CNTN5: variants seen among roughly 807,000 people sequenced by gnomAD.
CNTN5 encodes contactin 5.
In CNTN5, 77 loss-of-function variants were observed where a neutral mutation model predicts 129.1. That is an observed-to-expected ratio of 0.60 (90% CI 0.50 to 0.72). The LOEUF is 0.72. CNTN5 is among the 30% of genes least tolerant of loss of function. The pLI is 0.00. For missense variants in CNTN5, 1,478 were observed against 1,328.8 expected, an observed-to-expected ratio of 1.11 and a Z score of -1.75; for synonymous variants, 509 against 465.6, an observed-to-expected ratio of 1.09 and a Z score of -1.20.
At chr11:100,156,923 T>C (rs1172651913) in intron 13 of CNTN5, among the ~76,000 whole-genome samples, 1 of 151,968 alleles carries the variant, frequency 6.6e-6, no homozygotes, top group African/African-American at 2.4e-5. Context: ...AGTTTGTTAG[T>C]CTTTTTAAAA....
intron 1 of CNTN5, among the ~76,000 whole-genome samples, chr11:99,155,204 C>A (rs866019142): frequency 6.6e-6 from 1 of 152,168 alleles, no homozygotes. Flanking sequence ...TTCCCCCTTC[C>A]GCCCAGCATC....
In CNTN5 at chr11:99,600,838, A is replaced by T. The variant is rs183831187; in HGVS notation, c.55+44569A>T. On this transcript the variant is annotated intron_variant, in intron 3 of 24. Transcript: ENST00000524871. Reference sequence around the variant, plus strand: ...AATGAAAAATAAATAAACACATAGGATGACATTTTCAAGAAGCTCAAAGGT... The same window carrying T: ...AATGAAAAATAAATAAACACATAGGTTGACATTTTCAAGAAGCTCAAAGGT... Among the ~76,000 whole-genome samples, 15 of 152,316 alleles carry T rather than the reference A, an allele frequency of 9.8e-5. 1 individual carries two copies. The highest frequency in any genetic ancestry group is 7.8e-4 in the Admixed American group (12 of 15,290).
chr11:100,287,961 G>A (rs1204099156), intron 18 of CNTN5, among the ~76,000 whole-genome samples: 11 of 152,228 alleles, frequency 7.2e-5, no homozygotes, highest in Middle Eastern at 3.4e-3. Flanking sequence ...TGCAATCCCA[G>A]TCTCTGATAA....
chr11:99,032,685 A>G (rs1295791998), intron 1 of CNTN5, among the ~76,000 whole-genome samples: 1 of 150,854 alleles, frequency 6.6e-6, no homozygotes, highest in Non-Finnish European at 1.5e-5. Context: ...TCAGATGAGT[A>G]GGTTGCGAAA....
chr11:99,671,641 A>G (rs1192717184), intron 3 of CNTN5, among the ~76,000 whole-genome samples: 1 of 152,204 alleles, frequency 6.6e-6, no homozygotes. Flanking sequence ...AACATAAAAA[A>G]TGCTGTCAGG....
chr11:99,182,876 A>T (rs866258623), intron 1 of CNTN5, among the ~76,000 whole-genome samples: 96 of 152,298 alleles, frequency 6.3e-4, no homozygotes, highest in African/African-American at 2.3e-3. Context: ...CATAATTTAA[A>T]ATATAATATG....
At chr11:100,256,148 G>A (rs1950065853) in intron 17 of CNTN5, among the ~76,000 whole-genome samples, 1 of 152,078 alleles carries the variant, frequency 6.6e-6, no homozygotes, top group Non-Finnish European at 1.5e-5. Flanking sequence ...TTATTTGTTT[G>A]TTGAAATAAC....
At chr11:100,266,269 A>G (rs538843954) in intron 17 of CNTN5, among the ~76,000 whole-genome samples, 1 of 152,160 alleles carries the variant, frequency 6.6e-6, no homozygotes, top group Admixed American at 6.6e-5. Flanking sequence ...TTGGAAAGGC[A>G]GTTCAAAAAG....
At chr11:99,895,507 T>C (rs1949182137) in intron 6 of CNTN5, among the ~76,000 whole-genome samples, 1 of 152,180 alleles carries the variant, frequency 6.6e-6, no homozygotes, top group South Asian at 2.1e-4. Context: ...AAGTGGATTA[T>C]CTAAGAGATC....
chr11:99,633,257 C>T (rs1261477700), intron 3 of CNTN5, among the ~76,000 whole-genome samples: 1 of 152,150 alleles, frequency 6.6e-6, no homozygotes, highest in African/African-American at 2.4e-5. Context: ...ATCTGATGAG[C>T]ACAAAGTGTC....
intron 4 of CNTN5, among the ~76,000 whole-genome samples, chr11:99,829,738 T>G (rs921829011): frequency 2.0e-5 from 3 of 152,220 alleles, no homozygotes; most frequent in Non-Finnish European, 4.4e-5. Flanking sequence ...AAAGTAGTTA[T>G]TTGAGTACAA....
At chr11:99,133,845 G>C (rs113089578) in intron 1 of CNTN5, among the ~76,000 whole-genome samples, 1 of 152,190 alleles carries the variant, frequency 6.6e-6, no homozygotes, top group African/African-American at 2.4e-5. Context: ...GGAAGACAAT[G>C]TGGTGATTCC....
intron 1 of CNTN5, among the ~76,000 whole-genome samples, chr11:99,255,897 C>T (rs1862356077): frequency 6.6e-6 from 1 of 151,758 alleles, no homozygotes; most frequent in Admixed American, 6.6e-5. Context: ...AAGCTTTATA[C>T]TTGATATAGT....
chr11:99,901,232 G>C lies in CNTN5; in HGVS notation c.578-14822G>C, dbSNP rs116902459. 6.2e-3 allele frequency among the ~76,000 whole-genome samples: 950 copies of C among 152,190 alleles called. 5 individuals are homozygous for C. Among genetic ancestry groups the C allele is most frequent in the Non-Finnish European group, 9.5e-3 (649 of 68,006 alleles). Reference sequence around the variant, plus strand: ...AATACTTTTTAAATGTTTTGGGTGAGATGACATTAGAACTATAAACTGGTA... The same window carrying C: ...AATACTTTTTAAATGTTTTGGGTGACATGACATTAGAACTATAAACTGGTA... On this transcript the variant is annotated intron_variant, in intron 6 of 24. Coordinates refer to ENST00000524871, the MANE Select transcript of CNTN5 (RefSeq NM_014361.4).
At chr11:99,480,502 C>T (rs1015720526) in intron 2 of CNTN5, among the ~76,000 whole-genome samples, 1 of 152,090 alleles carries the variant, frequency 6.6e-6, no homozygotes, top group Non-Finnish European at 1.5e-5. Flanking sequence ...ATCTGTAGAA[C>T]ATATGGAACA....
Position 99,868,900 on chromosome 11 carries a change from GTGGGAAGAA to G in CNTN5, c.577+23645_577+23653del, listed in dbSNP as rs933677664. Among the ~76,000 whole-genome samples, 26 of 152,310 alleles carry G rather than the reference GTGGGAAGAA, an allele frequency of 1.7e-4. No homozygotes were observed. The East Asian group carries it at 5.0e-3, about 29-fold the overall frequency. On this transcript the variant is annotated intron_variant, in intron 6 of 24. Transcript: ENST00000524871. ...TTTTAGGTACATTAGTCTGACAGCA[GTGGGAAGAA>G]TGGGAAAGAAAAGAAGTAGAACAAG... is the stretch of plus-strand genomic sequence containing the variant.
intron 1 of CNTN5, among the ~76,000 whole-genome samples, chr11:99,180,219 T>C (rs896992078): frequency 2.0e-5 from 3 of 152,100 alleles, no homozygotes; most frequent in African/African-American, 4.8e-5. Context: ...AAGCAGATGA[T>C]ACAGTAAGCA....
chr11:99,191,355 T>G (rs2135592696), intron 1 of CNTN5, among the ~76,000 whole-genome samples: 1 of 151,766 alleles, frequency 6.6e-6, no homozygotes, highest in South Asian at 2.1e-4. Flanking sequence ...GTAAAATGAG[T>G]TTGGAAATAT....
chr11:99,748,427 A>T (rs1944128460), intron 3 of CNTN5, among the ~76,000 whole-genome samples: 1 of 151,874 alleles, frequency 6.6e-6, no homozygotes, highest in Admixed American at 6.6e-5. Flanking sequence ...AGAGAGAGAG[A>T]GTGAGAGAGA....
Sources: allele counts gnomAD v4.1 joint callset (sites outside exome capture counted in the v4.1 genomes callset), GRCh38; gene constraint gnomAD v4.1.1; transcripts MANE v1.5; gene names NCBI Gene and HGNC (gene_info 2026-07-23, HGNC 2026-07-21).